Variants in CA9 observed in about 807,000 individuals in gnomAD.
The protein encoded by CA9 is carbonic anhydrase 9.
A neutral mutation model predicts 51.8 loss-of-function variants in CA9; 43 were observed. The ratio of observed to expected loss-of-function variants is 0.83; its 90% CI spans 0.65 to 1.07. The LOEUF (loss-of-function observed/expected upper bound fraction) is 1.07. Ranked by LOEUF, CA9 falls within the 50% of genes least tolerant of loss-of-function variation. The pLI is 0.00. For missense variants in CA9, 574 were observed against 581.4 expected, an observed-to-expected ratio of 0.99 and a Z score of 0.13; for synonymous variants, 253 against 244.2, an observed-to-expected ratio of 1.04 and a Z score of -0.34.
chr9:35,680,372 C>G (rs1033389898), intron 9 of CA9, among the ~76,000 whole-genome samples: 3 of 151,244 alleles, frequency 2.0e-5, no homozygotes, highest in South Asian at 2.1e-4. Context: ...AATCCCCCCC[C>G]TTTTTTTAAA....
chr9:35,678,103 T>A (rs181492194), intron 6 of CA9, among the ~76,000 whole-genome samples: 13 of 151,824 alleles, frequency 8.6e-5, no homozygotes, highest in Middle Eastern at 3.4e-3. Context: ...TCCCAGCACT[T>A]TGGGAGGCCA....
rs1300406125 is a variant in CA9 at position 35,676,346 on chromosome 9, T to G, written c.797T>G (p.Leu266Trp). ...STAFARVDEA[L>W]GRPGGLAVLA... ...GCCTTTGCCAGAGTTGACGAGGCCT[T>G]GGGGCGCCCGGGAGGCCTGGCCGTG... is the stretch of plus-strand genomic sequence containing the variant. Residue 266 changes from leucine (L) to tryptophan (W), a missense_variant, in exon 5 of 11, where the codon TTG (leucine) becomes TGG (tryptophan). Leu to Trp is a moderately conservative substitution (Grantham distance 61). Transcript: ENST00000378357. 6.2e-7 allele frequency: 1 copy of G among 1,613,906 alleles called. No homozygotes were observed. Among genetic ancestry groups the G allele is most frequent in the African/African-American group, 1.3e-5 (1 of 74,924 alleles).
At chr9:35,680,371 C>CT (rs1456442397) in intron 9 of CA9, among the ~76,000 whole-genome samples, 1 of 152,116 alleles carries the variant, frequency 6.6e-6, no homozygotes, top group Admixed American at 6.5e-5. Flanking sequence ...CAATCCCCCC[C>CT]CTTTTTTTAA....
intron 1 of CA9, chr9:35,674,596 G>C: frequency 2.2e-6 from 1 of 464,506 alleles, no homozygotes; most frequent in Non-Finnish European, 3.8e-6. Flanking sequence ...GATGAGATGG[G>C]AGAGAAGGGG....
rs1175042470 is a variant in CA9 at position 35,680,134 on chromosome 9, C to T, written c.1232C>T (p.Ala411Val). 1 of 1,614,232 alleles carries T rather than the reference C, an allele frequency of 6.2e-7. No individual in the cohort carries two copies. The highest frequency in any genetic ancestry group is 8.5e-7 in the Non-Finnish European group (1 of 1,180,036). ...CCAGTCCAGCTGAATTCCTGCCTGG[C>T]TGCTGGTGAGTCTGCCCCTCCTCTT... Reference protein sequence around the residue: ...AEPVQLNSCLAAGDILALVFG... With the variant: ...AEPVQLNSCLVAGDILALVFG... The change falls in exon 9 of 11, where the codon GCT (alanine) becomes GTT (valine). Residue 411 changes from alanine to valine, a missense_variant. By Grantham distance (64) the Ala-to-Val change is moderately conservative. Coordinates refer to ENST00000378357, the MANE Select transcript of CA9 (RefSeq NM_001216.3).
At chr9:35,674,988 C>CTTTTT in intron 1 of CA9, 1 of 132,854 alleles carries the variant, frequency 7.5e-6, no homozygotes, top group Non-Finnish European at 1.6e-5. Flanking sequence ...TGCCCACTCA[C>CTTTTT]TTTTTTTTTT....
At position 35,680,133 on chromosome 9, in the gene CA9, G is replaced by A; in HGVS notation, c.1231G>A (p.Ala411Thr). 6.2e-7 allele frequency: 1 copy of A among 1,614,184 alleles called. No homozygotes were observed. Among genetic ancestry groups the A allele is most frequent in the South Asian group, 1.1e-5 (1 of 91,084 alleles). ...TCCAGTCCAGCTGAATTCCTGCCTG[G>A]CTGCTGGTGAGTCTGCCCCTCCTCT... ...AEPVQLNSCL[A>T]AGDILALVFG... The change falls in exon 9 of 11, where the codon GCT (alanine) becomes ACT (threonine). Residue 411 changes from alanine to threonine, a missense_variant. Transcript: ENST00000378357.
At chr9:35,679,440 G>C in intron 7 of CA9, 98 bp downstream of exon 7, 1 of 1,452,502 alleles carries the variant, frequency 6.9e-7, no homozygotes, top group Non-Finnish European at 9.3e-7. Context: ...GCTGGGCTCT[G>C]TGGCTTACGC....
In CA9 at chr9:35,676,154, C is replaced by T. The variant is rs771446220; in HGVS notation, c.695C>T (p.Ala232Val). ...CAGCTGCATCTGCACTGGGGGGCTG[C>T]AGGTCGTCCGGGCTCGGAGCACACT... ...ALQLHLHWGA[A>V]GRPGSEHTVE... is the part of the protein sequence containing the mutation. Residue 232 changes from alanine to valine, a missense_variant, in exon 4 of 11, where the codon GCA becomes GTA. Ala to Val is a moderately conservative substitution (Grantham distance 64). Transcript: ENST00000378357. 3.7e-6 allele frequency: 6 copies of T among 1,612,808 alleles called. No homozygotes were observed. The highest frequency in any genetic ancestry group is 5.1e-6 in the Non-Finnish European group (6 of 1,179,420).
chr9:35,677,248 A>G (rs7858447), intron 5 of CA9, among the ~76,000 whole-genome samples: 25,929 of 152,174 alleles, frequency 0.17, 2,317 homozygotes, highest in Non-Finnish European at 0.19. Flanking sequence ...TTAGGTTCAT[A>G]ATGTTCTTAA....
In CA9 at chr9:35,674,193, CGGAGAGGAGGATCTACCT is replaced by C. The variant is rs201260414; in HGVS notation, c.272_289del (p.Gly91_Pro96del). On this transcript the variant is annotated inframe_deletion, in exon 1 of 11. Coordinates refer to ENST00000378357, the MANE Select transcript of CA9 (RefSeq NM_001216.3). ...ATTCACCCAGAGAGGAGGATCCACCCGGAGAGGAGGATCTACCTGGAGAGGAGGATCTACCTGGAGAGG... is the reference window on the plus strand; with the variant it reads ...ATTCACCCAGAGAGGAGGATCCACCCGGAGAGGAGGATCTACCTGGAGAGG... 50,715 of 1,611,848 alleles carry C rather than the reference CGGAGAGGAGGATCTACCT, an allele frequency of 0.031. 1,386 individuals are homozygous for C. Among genetic ancestry groups the C allele is most frequent in the East Asian group, 0.12 (5,533 of 44,802 alleles).
At chr9:35,675,615 G>C (rs1226597858) in intron 2 of CA9, 48 bp downstream of exon 2, 1 of 1,610,494 alleles carries the variant, frequency 6.2e-7, no homozygotes, top group Non-Finnish European at 8.5e-7. Flanking sequence ...ACCCAGCTCT[G>C]TGGATCTCCC....
chr9:35,680,633 G>A (rs1779060174), intron 9 of CA9, 120 bp from the exon 10 acceptor site: 1 of 750,432 alleles, frequency 1.3e-6, no homozygotes, highest in Non-Finnish European at 2.3e-6. Flanking sequence ...TGGAGACTGA[G>A]GCACTAGGGG....
rs1311574816 is a variant in CA9 at position 35,675,837 on chromosome 9, C to A, written c.510C>A (p.Leu170=). 1 of 1,604,322 alleles carries A rather than the reference C, an allele frequency of 6.2e-7. No individual in the cohort carries two copies. Among genetic ancestry groups the A allele is most frequent in the Admixed American group, 1.7e-5 (1 of 59,900 alleles). The part of the protein sequence containing the change: ...FQSPVDIRPQ[L]AAFCPALRPL... Reference sequence around the variant, plus strand: ...CCCCGGTGGATATCCGCCCCCAGCTCGCCGCCTTCTGCCCGGCCCTGCGCC... The same window carrying A: ...CCCCGGTGGATATCCGCCCCCAGCTAGCCGCCTTCTGCCCGGCCCTGCGCC... The change falls in exon 3 of 11, where the codon CTC becomes CTA. Residue 170 remains leucine, a synonymous_variant. Coordinates refer to ENST00000378357, the MANE Select transcript of CA9 (RefSeq NM_001216.3).
chr9:35,679,855 TC>T lies in CA9; in HGVS notation c.1069del (p.His357ThrfsTer17). ...CACACTGTCCACTGACCTCCCTAGC[TC>T]CACACCCTCTCTGACACCCTGTGGG... ...NQTVMLSAKQ[L>X]HTLSDTLWGP... On this transcript the variant is annotated frameshift_variant and splice_region_variant, in exon 8 of 11. Coordinates refer to ENST00000378357, the MANE Select transcript of CA9 (RefSeq NM_001216.3). LOFTEE classifies it high-confidence loss of function. 1 of 1,604,948 alleles carries T rather than the reference TC, an allele frequency of 6.2e-7. No homozygotes were observed. The highest frequency in any genetic ancestry group is 8.5e-7 in the Non-Finnish European group (1 of 1,176,104).
At chr9:35,676,236 A>C in intron 4 of CA9, 30 bp downstream of exon 4, 1 of 1,612,974 alleles carries the variant, frequency 6.2e-7, no homozygotes, top group Middle Eastern at 1.7e-4. Flanking sequence ...AGAAGGGGCA[A>C]AGGAGCGGGG....
rs974976527 is a variant in CA9, at chr9:35,674,233, G to A, written c.274G>A (p.Glu92Lys). The A allele has an allele frequency of 1.9e-6, 3 of 1,614,144 alleles. No homozygotes were observed. The highest frequency in any genetic ancestry group is 1.1e-5 in the South Asian group (1 of 91,070). The change falls in exon 1 of 11, where the codon GAG (glutamate) becomes AAG (lysine). Residue 92 changes from glutamate (E) to lysine (K), a missense_variant. Coordinates refer to ENST00000378357, the MANE Select transcript of CA9 (RefSeq NM_001216.3). Reference sequence around the variant, plus strand: ...ACCTGGAGAGGAGGATCTACCTGGAGAGGAGGATCTACCTGAAGTTAAGCC... The same window carrying A: ...ACCTGGAGAGGAGGATCTACCTGGAAAGGAGGATCTACCTGAAGTTAAGCC... ...DLPGEEDLPGEEDLPEVKPKS... is the reference protein window; with the variant it reads ...DLPGEEDLPGKEDLPEVKPKS...
chr9:35,679,685 C>T (rs1390999609), intron 7 of CA9, among the ~76,000 whole-genome samples, 169 bp from the exon 8 acceptor site: 1 of 152,178 alleles, frequency 6.6e-6, no homozygotes, highest in Non-Finnish European at 1.5e-5. Context: ...CCCACCACTG[C>T]CTACCATCTT....
chr9:35,675,033 C>G (rs1282890898), intron 1 of CA9: 3 of 153,424 alleles, frequency 2.0e-5, no homozygotes, highest in Non-Finnish European at 4.3e-5. Context: ...TTTTGTTGCC[C>G]AGGCTGGAGT....
Sources: allele counts gnomAD v4.1 joint callset (sites outside exome capture counted in the v4.1 genomes callset), GRCh38; gene constraint gnomAD v4.1.1; transcripts MANE v1.5; gene names NCBI Gene and HGNC (gene_info 2026-07-23, HGNC 2026-07-21).